The following CTNNA3 variants were observed in gnomAD, a reference collection of about 807,000 sequenced individuals.
CTNNA3 encodes catenin alpha-3.
CTNNA3 carries 76 observed loss-of-function variants against 95.7 expected under a neutral mutation model. The ratio of observed to expected loss-of-function variants is 0.79; its 90% CI spans 0.66 to 0.96. The LOEUF (loss-of-function observed/expected upper bound fraction) is 0.96, where lower values mean the gene tolerates loss of function less well. Among genes scored for constraint, CTNNA3 ranks in the 40% least tolerant of loss-of-function variants. The pLI, the probability that CTNNA3 is intolerant of heterozygous loss-of-function variation, is 0.00. For missense variants in CTNNA3, 1,191 were observed against 1,089.8 expected, an observed-to-expected ratio of 1.09 and a Z score of -1.31; for synonymous variants, 431 against 374.4, an observed-to-expected ratio of 1.15 and a Z score of -1.74.
At chr10:66,436,196 C>T (rs990787890) in intron 11 of CTNNA3, among the ~76,000 whole-genome samples, 4 of 151,980 alleles carry the variant, frequency 2.6e-5, no homozygotes, top group African/African-American at 7.2e-5. Flanking sequence ...TAGGTCTGCT[C>T]GGACCTGAGC....
chr10:67,720,117 T>A (rs1316829914), intron 1 of CTNNA3, among the ~76,000 whole-genome samples: 1 of 145,394 alleles, frequency 6.9e-6, no homozygotes, highest in Non-Finnish European at 1.5e-5. Context: ...GAGACTAGGA[T>A]TGCAACCCCT....
intron 1 of CTNNA3, among the ~76,000 whole-genome samples, chr10:67,743,497 TATCTCA>T (rs1841355137): frequency 6.6e-6 from 1 of 151,314 alleles, no homozygotes; most frequent in Non-Finnish European, 1.5e-5. Context: ...TGATGGGACA[TATCTCA>T]AAATAATAAG....
intron 17 of CTNNA3, among the ~76,000 whole-genome samples, chr10:65,942,041 T>C (rs1290266665): frequency 6.6e-6 from 1 of 152,238 alleles, no homozygotes; most frequent in African/African-American, 2.4e-5. Context: ...ATATTTAAAA[T>C]ATATGTTTCA....
chr10:67,644,208 T>A (rs1295659692), intron 2 of CTNNA3, among the ~76,000 whole-genome samples: 1 of 152,176 alleles, frequency 6.6e-6, no homozygotes, highest in African/African-American at 2.4e-5. Context: ...GTTTCCTGAC[T>A]TTTTAATGAT....
chr10:66,466,230 C>A (rs1346393351), intron 11 of CTNNA3, among the ~76,000 whole-genome samples: 1 of 151,850 alleles, frequency 6.6e-6, no homozygotes, highest in Non-Finnish European at 1.5e-5. Context: ...GCCTACCCTG[C>A]ATATTCTGGG....
At chr10:67,377,853 G>T (rs1173752413) in intron 5 of CTNNA3, among the ~76,000 whole-genome samples, 3 of 152,002 alleles carry the variant, frequency 2.0e-5, no homozygotes, top group African/African-American at 4.8e-5. Context: ...TACAGTGCTA[G>T]AGAACACCAG....
At chr10:66,541,570 A>T (rs1215831320) in intron 10 of CTNNA3, among the ~76,000 whole-genome samples, 1 of 152,184 alleles carries the variant, frequency 6.6e-6, no homozygotes, top group African/African-American at 2.4e-5. Flanking sequence ...ATTGTTAGGT[A>T]AAATGTTCTA....
chr10:66,866,519 A>G (rs1844185265), intron 7 of CTNNA3, among the ~76,000 whole-genome samples: 1 of 152,186 alleles, frequency 6.6e-6, no homozygotes, highest in African/African-American at 2.4e-5. Flanking sequence ...ATGAATGTTG[A>G]CCTAATGACA....
At chr10:66,657,162 T>A (rs1007740) in intron 9 of CTNNA3, among the ~76,000 whole-genome samples, 2 of 151,862 alleles carry the variant, frequency 1.3e-5, no homozygotes, top group Non-Finnish European at 2.9e-5. Context: ...GACCTGATGC[T>A]AAAAGAAGGT....
intron 7 of CTNNA3, among the ~76,000 whole-genome samples, chr10:66,836,352 C>G (rs1159538038): frequency 6.6e-6 from 1 of 152,138 alleles, no homozygotes; most frequent in Non-Finnish European, 1.5e-5. Context: ...CTTAATTCTG[C>G]TTCCTTGTTT....
intron 14 of CTNNA3, among the ~76,000 whole-genome samples, chr10:66,099,609 T>C (rs1483136967): frequency 2.0e-5 from 3 of 152,150 alleles, no homozygotes; most frequent in Non-Finnish European, 2.9e-5. Flanking sequence ...ACTTAACTTA[T>C]GAGAGTAGAA....
intron 7 of CTNNA3, among the ~76,000 whole-genome samples, chr10:67,019,688 C>T (rs1323735762): frequency 6.6e-6 from 1 of 152,076 alleles, no homozygotes; most frequent in Non-Finnish European, 1.5e-5. Context: ...TGGAGGTCTC[C>T]CTATGTAATG....
chr10:67,547,060 C>T (rs1331356305), intron 3 of CTNNA3, among the ~76,000 whole-genome samples: 2 of 152,116 alleles, frequency 1.3e-5, no homozygotes, highest in Non-Finnish European at 2.9e-5. Context: ...ATGGGGTATA[C>T]AACAACGATT....
At chr10:66,584,813 T>C (rs1337429880) in intron 10 of CTNNA3, among the ~76,000 whole-genome samples, 3 of 152,068 alleles carry the variant, frequency 2.0e-5, no homozygotes, top group African/African-American at 7.2e-5. Flanking sequence ...GTATTTATTC[T>C]GGTGAGTAAC....
At chr10:67,753,447 A>C (rs554065407) in intron 1 of CTNNA3, among the ~76,000 whole-genome samples, 15 of 152,292 alleles carry the variant, frequency 9.8e-5, no homozygotes, top group African/African-American at 3.4e-4. Context: ...ATTGCAACAA[A>C]AGCAAAAATT....
chr10:67,535,817 G>A (rs77795090), intron 4 of CTNNA3, among the ~76,000 whole-genome samples: 2 of 61,608 alleles, frequency 3.2e-5, no homozygotes, highest in Non-Finnish European at 4.8e-5. Context: ...TGAAGGAAAC[G>A]AAGGTTTGAT....
chr10:67,430,439 G>T lies in CTNNA3; in HGVS notation c.579+91403C>A, dbSNP rs566764561. 5.9e-5 allele frequency among the ~76,000 whole-genome samples: 9 copies of T among 152,048 alleles called. No individual in the cohort carries two copies. In the South Asian group the frequency reaches 1.9e-3, roughly 32 times the overall value. On this transcript the variant is annotated intron_variant, in intron 5 of 17. Coordinates refer to ENST00000433211, the MANE Select transcript of CTNNA3 (RefSeq NM_013266.4). ...CTAAAATCTCTTCCCATTAAAAGAA[G>T]TATGGGATCTTATTATTGTGATTAG...
At chr10:66,828,198 C>A (rs1483802864) in intron 7 of CTNNA3, among the ~76,000 whole-genome samples, 1 of 152,052 alleles carries the variant, frequency 6.6e-6, no homozygotes, top group Non-Finnish European at 1.5e-5. Flanking sequence ...TACATAAACA[C>A]AATTTATTTT....
chr10:66,074,972 T>C (rs1360502977), intron 14 of CTNNA3, among the ~76,000 whole-genome samples: 2 of 151,922 alleles, frequency 1.3e-5, no homozygotes, highest in Non-Finnish European at 1.5e-5. Context: ...CAAAATTTTA[T>C]ATCACTGATC....
Sources: gnomAD v4.1 joint callset for allele counts (sites outside exome capture counted in the v4.1 genomes callset) on GRCh38, gnomAD v4.1.1 for gene constraint, MANE v1.5 for transcripts, NCBI Gene and HGNC (gene_info 2026-07-23, HGNC 2026-07-21) for gene names.